CLVS1: variants seen among roughly 807,000 people sequenced by gnomAD.
The protein encoded by CLVS1 is clavesin 1, also known as clavesin-1.
In CLVS1, 10 loss-of-function variants were observed where a neutral mutation model predicts 33.1. The observed-to-expected ratio is 0.30, with a 90% CI of 0.19 to 0.51. CLVS1 has a LOEUF of 0.51. CLVS1 is among the 20% of genes least tolerant of loss of function. The probability of loss-of-function intolerance (pLI) is 0.97; values close to 1 mark genes in which losing one functional copy is unlikely to be tolerated. For synonymous variants in CLVS1, 163 were observed against 166.1 expected (o/e 0.98, Z 0.14); for missense variants, 343 against 433.4 (o/e 0.79, Z 1.85).
At chr8:61,477,160 G>A (rs1213188057) in intron 5 of CLVS1, among the ~76,000 whole-genome samples, 3 of 152,178 alleles carry the variant, frequency 2.0e-5, no homozygotes, top group African/African-American at 7.2e-5. Flanking sequence ...CTTGATCATG[G>A]TGGATAAGCT....
At chr8:61,339,012 CTG>C (rs10608174) in intron 2 of CLVS1, among the ~76,000 whole-genome samples, 69,449 of 149,436 alleles carry the variant, frequency 0.46, 16,898 homozygotes, top group East Asian at 0.82. Context: ...GAGTGTGTGC[CTG>C]TGTGTGTGTG....
At chr8:61,417,548 T>C (rs973134032) in intron 3 of CLVS1, among the ~76,000 whole-genome samples, 1 of 152,192 alleles carries the variant, frequency 6.6e-6, no homozygotes, top group Non-Finnish European at 1.5e-5. Context: ...GTCACCACTA[T>C]AAAATCACTC....
At chr8:61,273,710 C>G (rs1283077299) in intron 2 of CLVS1, among the ~76,000 whole-genome samples, 1 of 152,194 alleles carries the variant, frequency 6.6e-6, no homozygotes, top group Non-Finnish European at 1.5e-5. Context: ...GTGTTTTAAG[C>G]CCATCAGAAA....
At chr8:60,989,590 C>T in the CLVS1 span, among the ~76,000 whole-genome samples, 6 of 152,304 alleles carry the variant, frequency 3.9e-5, no homozygotes, top group East Asian at 1.2e-3. Flanking sequence ...AGTCTGGGGG[C>T]TACTATCTTG....
At chr8:61,484,221 AGTT>A (rs1803779981) in intron 5 of CLVS1, among the ~76,000 whole-genome samples, 1 of 152,220 alleles carries the variant, frequency 6.6e-6, no homozygotes, top group Admixed American at 6.5e-5. Flanking sequence ...AATCTCCTTA[AGTT>A]GATAAGCAAC....
At chr8:61,118,877 G>T (rs1805798771) in intron 1 of CLVS1, among the ~76,000 whole-genome samples, 1 of 152,186 alleles carries the variant, frequency 6.6e-6, no homozygotes, top group Non-Finnish European at 1.5e-5. Context: ...TTCTGTGGAT[G>T]TCTATTAGGT....
intron 2 of CLVS1, among the ~76,000 whole-genome samples, chr8:61,224,956 AAT>A (rs1808296626): frequency 6.6e-6 from 1 of 152,222 alleles, no homozygotes; most frequent in Non-Finnish European, 1.5e-5. Flanking sequence ...CTTTTAGAGA[AAT>A]AGAAATGAAT....
the CLVS1 span, among the ~76,000 whole-genome samples, chr8:60,984,392 C>T: frequency 1.3e-5 from 2 of 151,016 alleles, no homozygotes; most frequent in African/African-American, 4.9e-5. Flanking sequence ...GGGATCTCAG[C>T]TCACTGCAAT....
intron 3 of CLVS1, among the ~76,000 whole-genome samples, chr8:61,397,263 C>T (rs1412814869): frequency 3.9e-5 from 6 of 152,070 alleles, no homozygotes; most frequent in African/African-American, 1.4e-4. Flanking sequence ...GAAACAGTAT[C>T]TCATTGTGGT....
the CLVS1 span, among the ~76,000 whole-genome samples, chr8:61,050,165 A>T: frequency 4.6e-5 from 7 of 151,394 alleles, no homozygotes; most frequent in African/African-American, 1.7e-4. Context: ...TCATGTCTTT[A>T]ATTTTTTTTA....
chr8:61,364,502 A>G (rs1041285321), intron 2 of CLVS1, among the ~76,000 whole-genome samples: 4 of 152,244 alleles, frequency 2.6e-5, no homozygotes, highest in African/African-American at 7.2e-5. Flanking sequence ...TTTCAGTTAC[A>G]TAATAATTTC....
rs1190779587 is a variant in CLVS1, at chr8:61,202,340, GCTGCCTCC to G, written c.-152+70482_-152+70489del. The G allele has an allele frequency of 2.6e-4, 189 of 726,420 alleles. 2 individuals are homozygous for G. The East Asian group carries it at 4.7e-3, about 18-fold the overall frequency. 45.0% of individuals were successfully genotyped at this position (726,420 alleles called of 1,614,324 possible). ...CGCCTTCTCTCCTACCTAAGTGCGT[GCTGCCTCC>G]CGATGGAAGATCTGATGGACGTGGA... On this transcript the variant is annotated intron_variant, in intron 2 of 2. Coordinates refer to the CLVS1 transcript ENST00000522621.
the CLVS1 span, among the ~76,000 whole-genome samples, chr8:61,001,555 A>G: frequency 6.6e-6 from 1 of 152,254 alleles, no homozygotes; most frequent in Non-Finnish European, 1.5e-5. Context: ...ACTGAATCAA[A>G]TATTAGTCTT....
the CLVS1 span, among the ~76,000 whole-genome samples, chr8:60,978,313 A>C: frequency 6.6e-6 from 1 of 152,252 alleles, no homozygotes; most frequent in Non-Finnish European, 1.5e-5. Flanking sequence ...TAGATAATTG[A>C]ATAGGCAAAT....
intron 1 of CLVS1, among the ~76,000 whole-genome samples, chr8:61,104,047 A>G (rs1487594196): frequency 6.6e-6 from 1 of 152,210 alleles, no homozygotes; most frequent in Non-Finnish European, 1.5e-5. Flanking sequence ...TTCACTTTGC[A>G]TGTTTCCTGT....
rs532638692 is a variant in CLVS1 at position 61,374,242 on chromosome 8, CTCT to C, written c.456-2352_456-2350del. Among the ~76,000 whole-genome samples, 701 of 152,282 alleles carry C rather than the reference CTCT, an allele frequency of 4.6e-3. 7 individuals carry two copies. Among genetic ancestry groups the C allele is most frequent in the African/African-American group, 0.016 (668 of 41,548 alleles). On this transcript the variant is annotated intron_variant, in intron 2 of 5. Coordinates refer to ENST00000325897, the MANE Select transcript of CLVS1 (RefSeq NM_173519.3). ...TCATACCCTTGCTTCTTGAAACATT[CTCT>C]TCTTCTTCTTTTTCTTTTTTAACAG...
Position 61,300,248 on chromosome 8 carries a change from C to A in CLVS1, c.421C>A (p.Leu141Ile), listed in dbSNP as rs1361128567. 2 of 1,613,608 alleles carry A rather than the reference C, an allele frequency of 1.2e-6. No homozygotes were observed. The highest frequency in any genetic ancestry group is 1.3e-5 in the African/African-American group (1 of 74,870). The change falls in exon 2 of 6, where the codon CTT becomes ATT. Residue 141 changes from leucine (L) to isoleucine (I), a missense_variant. Leu to Ile is a conservative substitution (Grantham distance 5, BLOSUM62 2). This residue lies in a region of CLVS1 where 166 missense variants were observed against 244.0 expected (regional missense o/e 0.68). Coordinates refer to ENST00000325897, the MANE Select transcript of CLVS1 (RefSeq NM_173519.3). ...CCGAGACCATTACGGCAGGAAGATT[C>A]TTTTGCTGTTTGCAGCCAATTGGGA... is the stretch of plus-strand genomic sequence containing the variant. ...ENRDHYGRKI[L>I]LLFAANWDQS... is the part of the protein sequence containing the mutation.
chr8:60,975,180 GAACCTGT>G, the CLVS1 span, among the ~76,000 whole-genome samples: 5 of 152,270 alleles, frequency 3.3e-5, no homozygotes, highest in Non-Finnish European at 5.9e-5. Flanking sequence ...ACAGGATTTA[GAACCTGT>G]GTCTGATTCC....
At chr8:61,226,548 G>C (rs1485996073) in intron 2 of CLVS1, among the ~76,000 whole-genome samples, 1 of 152,196 alleles carries the variant, frequency 6.6e-6, no homozygotes, top group Non-Finnish European at 1.5e-5. Flanking sequence ...TGTGGAACCT[G>C]AGTAGTGAAG....
Sources: gnomAD v4.1 joint callset for allele counts (sites outside exome capture counted in the v4.1 genomes callset) on GRCh38, gnomAD v4.1.1 for gene constraint, gnomAD v4.1.1 regional missense constraint, MANE v1.5 for transcripts, NCBI Gene and HGNC (gene_info 2026-07-23, HGNC 2026-07-21) for gene names.